Variants in DGKK observed in about 807,000 individuals in gnomAD.
DGKK encodes the protein 142 kDa diacylglycerol kinase.
DGKK carries 35 observed loss-of-function variants against 92.2 expected under a neutral mutation model. The observed-to-expected ratio is 0.38, with a 90% confidence interval of 0.29 to 0.50. DGKK has a LOEUF of 0.50. DGKK is among the 20% of genes least tolerant of loss of function. The pLI is 0.92. For missense variants in DGKK, 910 were observed against 992.2 expected (o/e 0.92, Z 1.11); for synonymous variants, 368 against 360.6 (o/e 1.02, Z -0.23).
intron 1 of DGKK, among the ~76,000 whole-genome samples, chrX:50,465,811 C>A (rs1239712091): frequency 2.7e-5 from 3 of 110,775 alleles, no homozygotes; most frequent in Non-Finnish European, 5.7e-5. Context: ...AAAATTCAAT[C>A]ATTACATCCT....
intron 1 of DGKK, among the ~76,000 whole-genome samples, chrX:50,462,572 C>A (rs148651117): frequency 3.7e-5 from 4 of 108,675 alleles, no homozygotes; most frequent in East Asian, 5.8e-4. Flanking sequence ...GGAATAAAGT[C>A]CATTGATTTT....
Position 50,401,200 on chromosome X carries a change from A to T in DGKK, c.1309-61T>A, listed in dbSNP as rs782571883. On this transcript the variant is annotated intron_variant, in intron 7 of 27. Transcript: ENST00000611977. Reference sequence around the variant, plus strand: ...AGGGGGAGAGAAAAGGATATCATTGATCAGTCTTGAGTTCCAATACCAAGA... The same window carrying T: ...AGGGGGAGAGAAAAGGATATCATTGTTCAGTCTTGAGTTCCAATACCAAGA... 1.0e-5 allele frequency: 10 copies of T among 991,481 alleles called. No homozygotes were observed. The African/African-American group carries it at 1.5e-4, about 15-fold the overall frequency. 81.7% of individuals were successfully genotyped at this position (991,481 alleles called of 1,213,427 possible). A position where few individuals can be genotyped will look rare whatever the true frequency, so the allele number is the denominator to read the frequency against.
At chrX:50,369,323 G>T (rs181184278) in intron 27 of DGKK, among the ~76,000 whole-genome samples, 1 of 111,111 alleles carries the variant, frequency 9.0e-6, no homozygotes, top group East Asian at 2.9e-4. Context: ...AAACCAGTTC[G>T]ACCATACCTG....
At chrX:50,436,834 C>G (rs1926040751) in intron 1 of DGKK, among the ~76,000 whole-genome samples, 1 of 110,299 alleles carries the variant, frequency 9.1e-6, no homozygotes, top group Non-Finnish European at 1.9e-5. Flanking sequence ...AGGCTCTTTT[C>G]ACTGTTATCG....
At chrX:50,381,083 G>C (rs1924401701) in intron 18 of DGKK, among the ~76,000 whole-genome samples, 1 of 111,964 alleles carries the variant, frequency 8.9e-6, no homozygotes, top group Admixed American at 9.4e-5. Context: ...ACAGAAGTGA[G>C]AGTCCAGAAA....
chrX:50,381,661 A>G (rs782802133), intron 18 of DGKK, among the ~76,000 whole-genome samples: 1 of 111,647 alleles, frequency 9.0e-6, no homozygotes, highest in South Asian at 3.8e-4. Context: ...AAGAAAACTT[A>G]GGAGCAAATT....
chrX:50,418,670 G>C lies in DGKK; in HGVS notation c.942+1733C>G, dbSNP rs189037879. 4.7e-3 allele frequency among the ~76,000 whole-genome samples: 526 copies of C among 111,773 alleles called. 2 individuals are homozygous for C. The highest frequency in any genetic ancestry group is 8.2e-3 in the Non-Finnish European group (433 of 53,052). ...CTAAAAGTGTTCCTTAATAGATTTAGGTCCCTGGAGAAGCTCCACAGAAGT... is the reference window on the plus strand; with the variant it reads ...CTAAAAGTGTTCCTTAATAGATTTACGTCCCTGGAGAAGCTCCACAGAAGT... On this transcript the variant is annotated intron_variant, in intron 4 of 27. Coordinates refer to ENST00000611977, the MANE Select transcript of DGKK (RefSeq NM_001013742.4).
chrX:50,369,251 C>T (rs1278407631), intron 27 of DGKK, among the ~76,000 whole-genome samples: 1 of 110,563 alleles, frequency 9.0e-6, no homozygotes, highest in Admixed American at 9.6e-5. Context: ...TTGACTCTGT[C>T]AGAGTCTTTA....
At chrX:50,440,274 C>T (rs1188982829) in intron 1 of DGKK, among the ~76,000 whole-genome samples, 2 of 111,543 alleles carry the variant, frequency 1.8e-5, no homozygotes, top group Admixed American at 9.5e-5. Flanking sequence ...GGGCCAATAA[C>T]CTAAGAGGAA....
At chrX:50,408,503 C>T (rs1925220911) in intron 4 of DGKK, among the ~76,000 whole-genome samples, 1 of 111,269 alleles carries the variant, frequency 9.0e-6, no homozygotes. Context: ...CTCAGCCTCC[C>T]TAGTAGCTGG....
At chrX:50,439,104 G>T (rs1443377377) in intron 1 of DGKK, among the ~76,000 whole-genome samples, 4 of 111,414 alleles carry the variant, frequency 3.6e-5, no homozygotes, top group Non-Finnish European at 7.6e-5. Context: ...AATTGAATTG[G>T]GGAAAACACA....
intron 18 of DGKK, among the ~76,000 whole-genome samples, chrX:50,380,559 A>G (rs1557224352): frequency 9.0e-6 from 1 of 111,346 alleles, no homozygotes; most frequent in Admixed American, 9.6e-5. Flanking sequence ...AGATCCATAT[A>G]CTAAATGCCT....
intron 4 of DGKK, among the ~76,000 whole-genome samples, chrX:50,418,794 C>T (rs1201731068): frequency 9.0e-6 from 1 of 111,196 alleles, no homozygotes; most frequent in Non-Finnish European, 1.9e-5. Flanking sequence ...GTGTTTAATT[C>T]AATGAATTCA....
Position 50,368,871 on chromosome X carries a change from C to G in DGKK, c.*69G>C. ...TTGTTCTGAAATGATTTAGTCTAGC[C>G]TGTATTGAGGTTTTGAGAGTTTTTT... On this transcript the variant is annotated 3_prime_UTR_variant, in exon 28 of 28. Transcript: ENST00000611977. 1 of 918,280 alleles carries G rather than the reference C, an allele frequency of 1.1e-6. No homozygotes were observed. Among genetic ancestry groups the G allele is most frequent in the Non-Finnish European group, 1.6e-6 (1 of 642,729 alleles). 75.7% of individuals were successfully genotyped at this position (918,280 alleles called of 1,213,427 possible). A position where few individuals can be genotyped will look rare whatever the true frequency, so the allele number is the denominator to read the frequency against.
chrX:50,391,746 A>T (rs1240855929), intron 10 of DGKK, among the ~76,000 whole-genome samples, 170 bp from the exon 11 acceptor site: 5 of 111,923 alleles, frequency 4.5e-5, no homozygotes, highest in African/African-American at 1.6e-4. Flanking sequence ...ATTGGGTGAA[A>T]TTTTCCCTAA....
chrX:50,370,555 A>G lies in DGKK; in HGVS notation c.3613-6T>C. The G allele has an allele frequency of 8.4e-7, 1 of 1,194,814 alleles. No individual in the cohort carries two copies. The highest frequency in any genetic ancestry group is 1.8e-5 in the South Asian group (1 of 54,202). ...TCAGTGTCCGAAGATTTTTCCTGAG[A>G]AACCACAAGAGGAAGGTCAAAATGT... is the stretch of plus-strand genomic sequence containing the variant. On this transcript the variant is annotated splice_polypyrimidine_tract_variant and splice_region_variant and intron_variant, in intron 26 of 27. Coordinates refer to ENST00000611977, the MANE Select transcript of DGKK (RefSeq NM_001013742.4).
In DGKK at chrX:50,464,779, T is replaced by C. The variant is rs184359026; in HGVS notation, c.645+5255A>G. Among the ~76,000 whole-genome samples, 223 of 111,647 alleles carry C rather than the reference T, an allele frequency of 2.0e-3. 1 individual carries two copies. The highest frequency in any genetic ancestry group is 2.7e-3 in the Non-Finnish European group (145 of 53,095). On this transcript the variant is annotated intron_variant, in intron 1 of 27. Transcript: ENST00000611977. The stretch of plus-strand genomic sequence containing the variant: ...TGAACTATTTTTAAAAATTGAGATG[T>C]AATTTACATACCATAAAATTCATCA...
intron 4 of DGKK, among the ~76,000 whole-genome samples, chrX:50,412,100 A>T (rs1298182741): frequency 8.9e-6 from 1 of 111,890 alleles, no homozygotes; most frequent in Admixed American, 9.5e-5. Flanking sequence ...GGTGCTAAAA[A>T]AGTTTTGGAT....
intron 4 of DGKK, among the ~76,000 whole-genome samples, chrX:50,413,105 C>A (rs1260224839): frequency 1.8e-5 from 2 of 110,723 alleles, no homozygotes; most frequent in East Asian, 5.7e-4. Flanking sequence ...GCCCCCCTAC[C>A]AACCCCCAAC....
Sources: gnomAD v4.1 joint callset for allele counts (sites outside exome capture counted in the v4.1 genomes callset) on GRCh38, gnomAD v4.1.1 for gene constraint, MANE v1.5 for transcripts, NCBI Gene and HGNC (gene_info 2026-07-23, HGNC 2026-07-21) for gene names.